The following CACNB2 variants were observed in gnomAD, a reference collection of about 807,000 sequenced individuals.
CACNB2 encodes the protein calcium voltage-gated channel auxiliary subunit beta 2.
A neutral mutation model predicts 73.3 loss-of-function variants in CACNB2; 42 were observed. The ratio of observed to expected loss-of-function variants is 0.57; its 90% CI spans 0.45 to 0.74. The LOEUF (loss-of-function observed/expected upper bound fraction) is 0.74. Among genes scored for constraint, CACNB2 ranks in the 30% least tolerant of loss-of-function variants. CACNB2 has a pLI of 0.00. For missense variants in CACNB2, 940 were observed against 853.0 expected (o/e 1.10, Z -1.27); for synonymous variants, 348 against 310.3 (o/e 1.12, Z -1.28).
intron 2 of CACNB2, among the ~76,000 whole-genome samples, chr10:18,209,449 T>A (rs776025869): frequency 2.6e-4 from 39 of 152,204 alleles, no homozygotes; most frequent in Non-Finnish European, 1.6e-4. Context: ...CTTTTCCAGA[T>A]GTTTCCAGCT....
At chr10:18,224,675 C>T (rs921308414) in intron 2 of CACNB2, among the ~76,000 whole-genome samples, 1 of 152,172 alleles carries the variant, frequency 6.6e-6, no homozygotes, top group Non-Finnish European at 1.5e-5. Flanking sequence ...TGCTTGGGAA[C>T]AGAAGGCCTA....
intron 3 of CACNB2, among the ~76,000 whole-genome samples, chr10:18,492,941 C>T (rs1451114841): frequency 6.6e-6 from 1 of 152,056 alleles, no homozygotes; most frequent in African/African-American, 2.4e-5. Context: ...TATTAATAAG[C>T]ACTTACTGTA....
chr10:18,239,265 A>G (rs1390198978), intron 2 of CACNB2, among the ~76,000 whole-genome samples: 1 of 152,142 alleles, frequency 6.6e-6, no homozygotes, highest in Non-Finnish European at 1.5e-5. Context: ...CCATCCCCCG[A>G]ATAGCGTGCA....
chr10:18,216,166 G>C (rs1487278741), intron 2 of CACNB2, among the ~76,000 whole-genome samples: 2 of 151,704 alleles, frequency 1.3e-5, no homozygotes, highest in African/African-American at 4.8e-5. Context: ...ATGTGTTGGT[G>C]CATACCTGTA....
At chr10:18,290,500 A>G (rs1229242488) in intron 2 of CACNB2, among the ~76,000 whole-genome samples, 2 of 152,110 alleles carry the variant, frequency 1.3e-5, no homozygotes, top group South Asian at 2.1e-4. Context: ...CCATTCTCCC[A>G]GGAAGAAAAA....
chr10:18,198,294 C>T (rs2034718045), intron 2 of CACNB2, among the ~76,000 whole-genome samples: 1 of 151,370 alleles, frequency 6.6e-6, no homozygotes, highest in African/African-American at 2.4e-5. Flanking sequence ...ATTTAAAGCT[C>T]ATATGTTCCC....
At chr10:18,528,432 T>C (rs1265869406) in intron 10 of CACNB2, among the ~76,000 whole-genome samples, 1 of 152,188 alleles carries the variant, frequency 6.6e-6, no homozygotes, top group Non-Finnish European at 1.5e-5. Flanking sequence ...TGTTGCTTAC[T>C]GGATGGTTAG....
chr10:18,419,246 C>T (rs2045184040), intron 3 of CACNB2, among the ~76,000 whole-genome samples: 1 of 152,234 alleles, frequency 6.6e-6, no homozygotes, highest in African/African-American at 2.4e-5. Flanking sequence ...TTCAATAGGT[C>T]ACATAATGGA....
chr10:18,535,759 C>A (rs947867294), intron 11 of CACNB2, among the ~76,000 whole-genome samples: 21 of 151,472 alleles, frequency 1.4e-4, no homozygotes, highest in African/African-American at 5.1e-4. Context: ...GGCAACAGAG[C>A]GAGACTACAT....
chr10:18,483,184 C>T (rs1009817778), intron 3 of CACNB2, among the ~76,000 whole-genome samples: 2 of 151,902 alleles, frequency 1.3e-5, no homozygotes, highest in African/African-American at 4.8e-5. Flanking sequence ...CCTGCCAAAA[C>T]ATTTGGTTTG....
intron 2 of CACNB2, among the ~76,000 whole-genome samples, chr10:18,250,152 A>C (rs531945118): frequency 1.6e-3 from 240 of 152,312 alleles, no homozygotes; most frequent in African/African-American, 5.5e-3. Context: ...AACTATTGCA[A>C]TAGTCTAAAA....
intron 2 of CACNB2, among the ~76,000 whole-genome samples, chr10:18,345,952 C>T (rs1407128958): frequency 6.6e-6 from 1 of 152,196 alleles, no homozygotes. Context: ...TGCATTCTGT[C>T]TCACCTTTCT....
At chr10:18,431,197 C>T (rs746863662) in intron 3 of CACNB2, among the ~76,000 whole-genome samples, 2 of 151,190 alleles carry the variant, frequency 1.3e-5, no homozygotes, top group African/African-American at 4.9e-5. Flanking sequence ...TGCACAGCCT[C>T]GTCTCAAACT....
rs553202641 is a variant in CACNB2, at chr10:18,467,161, T to G, written c.334-31194T>G. Among the ~76,000 whole-genome samples, 9 of 152,280 alleles carry G rather than the reference T, an allele frequency of 5.9e-5. No homozygotes were observed. The South Asian group carries it at 1.5e-3, about 25-fold the overall frequency. On this transcript the variant is annotated intron_variant, in intron 3 of 13. Transcript: ENST00000324631. The stretch of plus-strand genomic sequence containing the variant: ...AGAGCAAGACTCTGTGTTTGTTAAA[T>G]AAATAAATGGAATAGGATGAAACAG...
At chr10:18,401,133 G>T (rs1564507932) in intron 2 of CACNB2, 2 of 1,613,762 alleles carry the variant, frequency 1.2e-6, no homozygotes. Flanking sequence ...GTGGGGAGAG[G>T]TTATTTTGTC....
At chr10:18,400,918 G>T in intron 2 of CACNB2, 1 of 1,571,422 alleles carries the variant, frequency 6.4e-7, no homozygotes, top group East Asian at 2.4e-5. Flanking sequence ...ACGGAGAACA[G>T]GGGCTTGCCC....
intron 3 of CACNB2, among the ~76,000 whole-genome samples, chr10:18,481,712 C>T (rs2048787869): frequency 6.6e-6 from 1 of 152,096 alleles, no homozygotes; most frequent in Non-Finnish European, 1.5e-5. Context: ...TGGCCCCTCT[C>T]TTCTATTCCC....
At chr10:18,192,276 A>AT (rs1209498828) in intron 2 of CACNB2, among the ~76,000 whole-genome samples, 1 of 151,710 alleles carries the variant, frequency 6.6e-6, no homozygotes, top group African/African-American at 2.4e-5. Flanking sequence ...ACGTTCATTC[A>AT]TTCATTCATT....
chr10:18,196,757 A>G (rs1235443090), intron 2 of CACNB2, among the ~76,000 whole-genome samples: 2 of 152,166 alleles, frequency 1.3e-5, no homozygotes, highest in African/African-American at 4.8e-5. Flanking sequence ...CTTTAATGCC[A>G]TCACTGTGAC....
Sources: allele counts gnomAD v4.1 joint callset (sites outside exome capture counted in the v4.1 genomes callset), GRCh38; gene constraint gnomAD v4.1.1; transcripts MANE v1.5; gene names NCBI Gene and HGNC (gene_info 2026-07-23, HGNC 2026-07-21).